The following GYPC variants were observed in gnomAD, a reference collection of about 807,000 sequenced individuals.
The protein encoded by GYPC is glycophorin-C.
A neutral mutation model predicts 12.6 loss-of-function variants in GYPC; 14 were observed. The observed-to-expected ratio is 1.11, with a 90% CI of 0.74 to 1.74. The LOEUF is 1.74. GYPC is among the 40% of genes most tolerant of loss of function. The pLI is 0.00. For synonymous variants in GYPC, 78 were observed against 62.1 expected (o/e 1.26, Z -1.20); for missense variants, 225 against 172.1 (o/e 1.31, Z -1.72).
intron 1 of GYPC, among the ~76,000 whole-genome samples, chr2:126,689,145 C>T (rs1683377870): frequency 6.6e-6 from 1 of 152,136 alleles, no homozygotes; most frequent in Non-Finnish European, 1.5e-5. Context: ...GTCCTTCCCA[C>T]AGCAGAGTCA....
intron 1 of GYPC, among the ~76,000 whole-genome samples, chr2:126,662,551 G>A (rs746566163): frequency 1.3e-5 from 2 of 152,244 alleles, no homozygotes; most frequent in Non-Finnish European, 2.9e-5. Flanking sequence ...GTCTGGCACA[G>A]GGATGGCTTC....
chr2:126,680,015 CTT>C (rs1296892449), intron 1 of GYPC: 1 of 152,194 alleles, frequency 6.6e-6, no homozygotes, highest in Non-Finnish European at 1.5e-5. Context: ...ATTTTTACCT[CTT>C]TACGGTGTTT....
rs770072560 is a variant in GYPC at position 126,696,160 on chromosome 2, T to A, written c.*18T>A. ...TTATTTGAGGGACAACAGACTTCAC[T>A]TCCCTGAATGCCTCCCCCATCTCCA... On this transcript the variant is annotated 3_prime_UTR_variant, in exon 4 of 4. Coordinates refer to ENST00000259254, the MANE Select transcript of GYPC (RefSeq NM_002101.5). 2 of 1,578,840 alleles carry A rather than the reference T, an allele frequency of 1.3e-6. No homozygotes were observed. The highest frequency in any genetic ancestry group is 1.7e-6 in the Non-Finnish European group (2 of 1,148,216).
chr2:126,666,795 C>T (rs1336724570), intron 1 of GYPC, among the ~76,000 whole-genome samples: 2 of 149,620 alleles, frequency 1.3e-5, no homozygotes, highest in Non-Finnish European at 3.0e-5. Context: ...ACATTTCTTC[C>T]TACACACCAT....
At chr2:126,686,253 C>A in intron 1 of GYPC, 2 of 985,678 alleles carry the variant, frequency 2.0e-6, no homozygotes, top group Non-Finnish European at 2.4e-6. Context: ...TACCACTGGC[C>A]CTGAGAATCC....
rs757408377 is a variant in GYPC, at chr2:126,656,219, G to A, written c.-45G>A. On this transcript the variant is annotated 5_prime_UTR_variant, in exon 1 of 4. Coordinates refer to ENST00000259254, the MANE Select transcript of GYPC (RefSeq NM_002101.5). Reference sequence around the variant, plus strand: ...ACCCTCCCCCGGCCCGGCCTGGCCCGGCCTGGCCAGTCCCCGCGGTCTCTG... The same window carrying A: ...ACCCTCCCCCGGCCCGGCCTGGCCCAGCCTGGCCAGTCCCCGCGGTCTCTG... 1.3e-6 allele frequency: 2 copies of A among 1,573,722 alleles called. No individual in the cohort carries two copies. The highest frequency in any genetic ancestry group is 1.8e-5 in the Admixed American group (1 of 55,224).
rs1683635206 is a variant in GYPC at position 126,696,071 on chromosome 2, G to C, written c.316G>C (p.Asp106His). 6.2e-7 allele frequency: 1 copy of C among 1,614,186 alleles called. No homozygotes were observed. The highest frequency in any genetic ancestry group is 8.5e-7 in the Non-Finnish European group (1 of 1,179,980). ...GGGCACGGAGTTTGCTGAGAGTGCA[G>C]ATGCAGCCCTGCAGGGAGACCCTGC... is the stretch of plus-strand genomic sequence containing the variant. ...AKGTEFAESA[D>H]AALQGDPALQ... Residue 106 changes from aspartate to histidine, a missense_variant, in exon 4 of 4, where the codon GAT becomes CAT. Asp to His is a moderately conservative substitution (Grantham distance 81). Coordinates refer to ENST00000259254, the MANE Select transcript of GYPC (RefSeq NM_002101.5).
chr2:126,695,878 C>A, intron 3 of GYPC, 68 bp from the exon 4 acceptor site: 2 of 1,272,136 alleles, frequency 1.6e-6, no homozygotes, highest in South Asian at 1.2e-5. Flanking sequence ...CCCTGTGGGT[C>A]TTGACCACCA....
In GYPC at chr2:126,656,191, G is replaced by A. The variant is rs1682345594; in HGVS notation, c.-73G>A. On this transcript the variant is annotated 5_prime_UTR_variant, in exon 1 of 4. Transcript: ENST00000259254. ...CGCCGAGGGTCAGGAGCCCGGGAGC[G>A]CGACCCTCCCCCGGCCCGGCCTGGC... The A allele has an allele frequency of 3.3e-6, 5 of 1,535,056 alleles. No homozygotes were observed. The highest frequency in any genetic ancestry group is 8.8e-7 in the Non-Finnish European group (1 of 1,140,054).
chr2:126,686,529 GTTCCCC>G, intron 1 of GYPC: 1 of 985,452 alleles, frequency 1.0e-6, no homozygotes, highest in South Asian at 4.7e-5. Context: ...TTGGTTCGTG[GTTCCCC>G]AGAAGGCTTT....
In GYPC at chr2:126,656,185, G is replaced by A. The variant is rs1284829282; in HGVS notation, c.-79G>A. 1.4e-5 allele frequency: 21 copies of A among 1,530,136 alleles called. No homozygotes were observed. Among genetic ancestry groups the A allele is most frequent in the Admixed American group, 4.0e-5 (2 of 50,408 alleles). 94.8% of individuals were successfully genotyped at this position (1,530,136 alleles called of 1,614,324 possible). A position where few individuals can be genotyped will look rare whatever the true frequency, so the allele number is the denominator to read the frequency against. On this transcript the variant is annotated 5_prime_UTR_variant, in exon 1 of 4. Transcript: ENST00000259254. The stretch of plus-strand genomic sequence containing the variant: ...TCTCGCCGCCGAGGGTCAGGAGCCC[G>A]GGAGCGCGACCCTCCCCCGGCCCGG...
intron 1 of GYPC, among the ~76,000 whole-genome samples, chr2:126,665,459 A>C (rs1326074189): frequency 6.6e-6 from 1 of 152,206 alleles, no homozygotes; most frequent in Non-Finnish European, 1.5e-5. Context: ...GGGTCTTGGA[A>C]AGCATCCCCC....
chr2:126,689,740 G>A (rs1490375099), intron 1 of GYPC, among the ~76,000 whole-genome samples: 1 of 152,078 alleles, frequency 6.6e-6, no homozygotes, highest in Non-Finnish European at 1.5e-5. Flanking sequence ...GCAGTATGAG[G>A]CCCTCACCAG....
chr2:126,673,145 C>G (rs1682898754), intron 1 of GYPC, among the ~76,000 whole-genome samples: 1 of 152,042 alleles, frequency 6.6e-6, no homozygotes, highest in African/African-American at 2.4e-5. Flanking sequence ...CGAAGCCCTC[C>G]AACCCAAGCA....
At chr2:126,670,903 A>T (rs941703251) in intron 1 of GYPC, among the ~76,000 whole-genome samples, 1 of 152,132 alleles carries the variant, frequency 6.6e-6, no homozygotes, top group African/African-American at 2.4e-5. Context: ...AGCAGCATTG[A>T]ATCTTTGCCA....
In GYPC at chr2:126,693,912, C is replaced by A; in HGVS notation, c.155C>A (p.Ser52Tyr). ...TGGCCGGATGGCAGAATGGAGACCTCCACCCCCACCATAATGGACATTGTC... is the reference window on the plus strand; with the variant it reads ...TGGCCGGATGGCAGAATGGAGACCTACACCCCCACCATAATGGACATTGTC... ...SGWPDGRMETSTPTIMDIVVI... is the reference protein window; with the variant it reads ...SGWPDGRMETYTPTIMDIVVI... Residue 52 changes from serine (S) to tyrosine (Y), a missense_variant, in exon 3 of 4, where the codon TCC becomes TAC. Transcript: ENST00000259254. The A allele has an allele frequency of 6.2e-7, 1 of 1,612,060 alleles. No homozygotes were observed. Among genetic ancestry groups the A allele is most frequent in the Non-Finnish European group, 8.5e-7 (1 of 1,178,208 alleles).
intron 3 of GYPC, among the ~76,000 whole-genome samples, chr2:126,695,126 A>T (rs28387225): frequency 0.01 from 1,561 of 152,242 alleles, 24 homozygotes; most frequent in African/African-American, 0.035. Context: ...AGCAGCCATC[A>T]GGCCATTGAA....
intron 1 of GYPC, among the ~76,000 whole-genome samples, chr2:126,673,171 T>G (rs1367070997): frequency 6.6e-6 from 1 of 152,062 alleles, no homozygotes; most frequent in African/African-American, 2.4e-5. Context: ...GCTCTTTCTG[T>G]GCTCTTTCTG....
intron 1 of GYPC, among the ~76,000 whole-genome samples, chr2:126,659,232 T>C (rs1416022752): frequency 6.6e-6 from 1 of 152,202 alleles, no homozygotes; most frequent in Non-Finnish European, 1.5e-5. Context: ...CTTACTTCCA[T>C]AAGAGGTTGT....
Sources: gnomAD v4.1 joint callset for allele counts (sites outside exome capture counted in the v4.1 genomes callset) on GRCh38, gnomAD v4.1.1 for gene constraint, MANE v1.5 for transcripts, NCBI Gene and HGNC (gene_info 2026-07-23, HGNC 2026-07-21) for gene names.